The following LAMA2 variants were observed in gnomAD, a reference collection of about 807,000 sequenced individuals.
LAMA2 encodes the protein laminin subunit alpha 2.
Under a neutral mutation model 364.8 loss-of-function variants are expected in LAMA2, and 269 were observed. The ratio of observed to expected loss-of-function variants is 0.74; its 90% CI spans 0.67 to 0.82. The LOEUF is 0.82. LAMA2 is among the 40% of genes least tolerant of loss of function. The pLI is 0.00. For missense variants in LAMA2, 3,807 were observed against 3,873.2 expected (o/e 0.98, Z 0.45); for synonymous variants, 1,379 against 1,370.6 (o/e 1.01, Z -0.14).
chr6:129,234,335 A>G lies in LAMA2; in HGVS notation c.1783-15777A>G, dbSNP rs929701502. ...CACATAGATGAAAATCCAAAAAGTC[A>G]AACATTCATTATAATAATTCTTCCA... On this transcript the variant is annotated intron_variant, in intron 12 of 64. Coordinates refer to ENST00000421865, the MANE Select transcript of LAMA2 (RefSeq NM_000426.4). 7.2e-5 allele frequency among the ~76,000 whole-genome samples: 11 copies of G among 152,322 alleles called. No individual in the cohort carries two copies. The East Asian group carries it at 2.1e-3, about 29-fold the overall frequency.
intron 37 of LAMA2, among the ~76,000 whole-genome samples, chr6:129,399,654 A>G (rs1779853982): frequency 6.6e-6 from 1 of 152,154 alleles, no homozygotes; most frequent in Admixed American, 6.5e-5. Context: ...TAATCAGAGG[A>G]GTGGCTATTA....
At chr6:129,258,338 A>G (rs1463778456) in intron 14 of LAMA2, among the ~76,000 whole-genome samples, 1 of 152,108 alleles carries the variant, frequency 6.6e-6, no homozygotes, top group African/African-American at 2.4e-5. Flanking sequence ...GAAGGTAGAA[A>G]CAATCCAAAT....
At chr6:129,410,065 C>T (rs931437341) in intron 40 of LAMA2, among the ~76,000 whole-genome samples, 1 of 152,164 alleles carries the variant, frequency 6.6e-6, no homozygotes, top group African/African-American at 2.4e-5. Flanking sequence ...CTGGAAATGT[C>T]TTAGATGTCT....
At chr6:128,921,044 TAAA>T (rs1778677819) in intron 1 of LAMA2, among the ~76,000 whole-genome samples, 1 of 152,194 alleles carries the variant, frequency 6.6e-6, no homozygotes, top group African/African-American at 2.4e-5. Flanking sequence ...CAGGGGCACT[TAAA>T]AAGCCTGAAA....
chr6:129,486,393 T>G (rs2114848655), intron 55 of LAMA2, 81 bp from the exon 56 acceptor site: 5 of 1,383,720 alleles, frequency 3.6e-6, no homozygotes, highest in South Asian at 1.2e-5. Flanking sequence ...CAGACGAACC[T>G]GTGGTTCTGC....
At chr6:128,923,975 C>T (rs1382651299) in intron 1 of LAMA2, among the ~76,000 whole-genome samples, 1 of 152,086 alleles carries the variant, frequency 6.6e-6, no homozygotes, top group Non-Finnish European at 1.5e-5. Flanking sequence ...GACTCTGCTC[C>T]ACATTTTTAC....
At chr6:129,371,256 TG>T (rs1341783942) in intron 34 of LAMA2, among the ~76,000 whole-genome samples, 5 of 151,634 alleles carry the variant, frequency 3.3e-5, no homozygotes, top group Non-Finnish European at 7.4e-5. Context: ...GATGTGTGTG[TG>T]TGTGTGTGTG....
intron 41 of LAMA2, among the ~76,000 whole-genome samples, chr6:129,430,178 C>T (rs1211784656): frequency 6.6e-6 from 1 of 152,142 alleles, no homozygotes; most frequent in African/African-American, 2.4e-5. Flanking sequence ...ATATTACTAC[C>T]AGGAACTGCT....
intron 30 of LAMA2, 136 bp from the exon 31 acceptor site, chr6:129,349,162 C>A: frequency 2.9e-6 from 2 of 690,660 alleles, no homozygotes; most frequent in Non-Finnish European, 2.6e-6. Context: ...TAAATAAGAA[C>A]TTCAGCAATA....
At chr6:129,354,037 T>C (rs1777016850) in intron 32 of LAMA2, among the ~76,000 whole-genome samples, 1 of 152,190 alleles carries the variant, frequency 6.6e-6, no homozygotes, top group African/African-American at 2.4e-5. Flanking sequence ...CCAAAATAGG[T>C]TATTTATAAA....
chr6:128,956,566 A>T (rs1359921791), intron 1 of LAMA2, among the ~76,000 whole-genome samples: 1 of 152,050 alleles, frequency 6.6e-6, no homozygotes, highest in Non-Finnish European at 1.5e-5. Flanking sequence ...AAATAGGGAC[A>T]ATTAATGTAT....
chr6:129,398,910 G>T (rs558316004), intron 37 of LAMA2, among the ~76,000 whole-genome samples: 36 of 152,146 alleles, frequency 2.4e-4, no homozygotes, highest in Admixed American at 9.8e-4. Context: ...ATAAGCATAA[G>T]CTACGACCAT....
Position 129,403,193 on chromosome 6 carries a change from AC to A in LAMA2, c.5727-627del, listed in dbSNP as rs554706628. 4.1e-4 allele frequency among the ~76,000 whole-genome samples: 62 copies of A among 152,346 alleles called. 1 individual carries two copies. Among genetic ancestry groups the A allele is most frequent in the Non-Finnish European group, 6.5e-4 (44 of 68,036 alleles). ...ATCACATGCAAAGCTTTGTTCTCAT[AC>A]TTAATACTTACTGTTATAAAGAAAA... On this transcript the variant is annotated intron_variant, in intron 39 of 64. Coordinates refer to ENST00000421865, the MANE Select transcript of LAMA2 (RefSeq NM_000426.4).
chr6:129,185,595 A>G (rs1027863222), intron 10 of LAMA2, among the ~76,000 whole-genome samples: 37 of 151,804 alleles, frequency 2.4e-4, no homozygotes, highest in African/African-American at 8.5e-4. Flanking sequence ...AAACATTCAC[A>G]TGGTGCATCT....
chr6:129,116,165 A>G (rs1004849744), intron 4 of LAMA2, among the ~76,000 whole-genome samples: 3 of 152,260 alleles, frequency 2.0e-5, no homozygotes, highest in East Asian at 1.9e-4. Flanking sequence ...AGCACAGGCT[A>G]TGAAGTGTGC....
rs375477383 is a variant in LAMA2, at chr6:129,500,491, T to G, written c.8245-2168T>G. 3.9e-5 allele frequency among the ~76,000 whole-genome samples: 6 copies of G among 152,318 alleles called. No individual in the cohort carries two copies. In the East Asian group the frequency reaches 1.2e-3, roughly 29 times the overall value. On this transcript the variant is annotated intron_variant, in intron 58 of 64. Transcript: ENST00000421865. Reference sequence around the variant, plus strand: ...TTATTAAGCACTGCTTCTGCCTGCTTCTTGAGGGCTGCCCGTTGCAGAAAC... The same window carrying G: ...TTATTAAGCACTGCTTCTGCCTGCTGCTTGAGGGCTGCCCGTTGCAGAAAC...
At chr6:129,167,430 C>A (rs1206340011) in intron 9 of LAMA2, among the ~76,000 whole-genome samples, 1 of 151,368 alleles carries the variant, frequency 6.6e-6, no homozygotes, top group Non-Finnish European at 1.5e-5. Flanking sequence ...TTTGTTCTTG[C>A]AATCGTTTAC....
chr6:128,893,402 A>C (rs188176912), intron 1 of LAMA2, among the ~76,000 whole-genome samples: 6 of 151,834 alleles, frequency 4.0e-5, no homozygotes, highest in Admixed American at 2.6e-4. Context: ...TAATAATGTT[A>C]TGTATTAATA....
intron 1 of LAMA2, among the ~76,000 whole-genome samples, chr6:129,007,447 A>G (rs541334857): frequency 6.6e-6 from 1 of 152,288 alleles, no homozygotes; most frequent in East Asian, 1.9e-4. Context: ...TGAGGATTCT[A>G]GATGCTATTC....
Sources: gnomAD v4.1 joint callset for allele counts (sites outside exome capture counted in the v4.1 genomes callset) on GRCh38, gnomAD v4.1.1 for gene constraint, MANE v1.5 for transcripts, NCBI Gene and HGNC (gene_info 2026-07-23, HGNC 2026-07-21) for gene names.